PTPRD: variants seen among roughly 807,000 people sequenced by gnomAD.
The protein encoded by PTPRD is receptor-type tyrosine-protein phosphatase delta.
A neutral mutation model predicts 214.5 loss-of-function variants in PTPRD; 34 were observed. The ratio of observed to expected loss-of-function variants is 0.16; its 90% confidence interval spans 0.12 to 0.21. PTPRD has a LOEUF of 0.21. PTPRD is among the 10% of genes least tolerant of loss of function. PTPRD has a pLI of 1.00. For missense variants in PTPRD, 2,545 were observed against 2,398.7 expected (o/e 1.06, Z -1.27); for synonymous variants, 1,128 against 845.7 (o/e 1.33, Z -5.79).
intron 5 of PTPRD, among the ~76,000 whole-genome samples, chr9:9,834,677 A>T (rs2056188386): frequency 6.6e-6 from 1 of 152,052 alleles, no homozygotes; most frequent in African/African-American, 2.4e-5. Context: ...AATAAAAATT[A>T]ATTGCATATC....
At chr9:8,472,315 G>GAGGCC (rs1330575133) in intron 30 of PTPRD, among the ~76,000 whole-genome samples, 7 of 152,206 alleles carry the variant, frequency 4.6e-5, no homozygotes. Flanking sequence ...TTTAAAAGAG[G>GAGGCC]AGGCCACCAC....
At chr9:9,066,203 G>T (rs1459050705) in intron 10 of PTPRD, among the ~76,000 whole-genome samples, 4 of 152,050 alleles carry the variant, frequency 2.6e-5, no homozygotes, top group African/African-American at 9.7e-5. Flanking sequence ...ATTAGGATGG[G>T]TCCTTTTTTT....
intron 3 of PTPRD, among the ~76,000 whole-genome samples, chr9:10,123,685 C>T (rs2098794139): frequency 6.6e-6 from 1 of 152,056 alleles, no homozygotes; most frequent in African/African-American, 2.4e-5. Context: ...TTTTGGAAAA[C>T]AGAAATAAAG....
intron 10 of PTPRD, among the ~76,000 whole-genome samples, chr9:9,027,606 A>C (rs982636968): frequency 1.3e-5 from 2 of 151,914 alleles, no homozygotes; most frequent in Admixed American, 6.6e-5. Flanking sequence ...GTATCATAAA[A>C]ATCTTCAGGA....
intron 3 of PTPRD, among the ~76,000 whole-genome samples, chr9:10,057,203 A>G (rs908181467): frequency 3.3e-5 from 5 of 152,184 alleles, no homozygotes; most frequent in Non-Finnish European, 7.4e-5. Flanking sequence ...CAATATTTAT[A>G]AAGAATCTGC....
chr9:8,894,120 A>G (rs2098576370), intron 11 of PTPRD, among the ~76,000 whole-genome samples: 1 of 151,998 alleles, frequency 6.6e-6, no homozygotes, highest in Non-Finnish European at 1.5e-5. Context: ...TTTGGAGGCC[A>G]AGGCGGGTGG....
chr9:9,525,146 C>A lies in PTPRD; in HGVS notation c.-237+49586G>T, dbSNP rs113252856. Among the ~76,000 whole-genome samples, 302 of 152,272 alleles carry A rather than the reference C, an allele frequency of 2.0e-3. 1 individual carries two copies. The highest frequency in any genetic ancestry group is 6.5e-3 in the African/African-American group (270 of 41,570). On this transcript the variant is annotated intron_variant, in intron 8 of 45. Coordinates refer to ENST00000381196, the MANE Select transcript of PTPRD (RefSeq NM_002839.4). ...TGCTGGGATTACAGGCGTGAGCCAC[C>A]GCCCGGTCGGGTAACAGGAGTTTTT... is the stretch of plus-strand genomic sequence containing the variant.
At chr9:8,928,228 T>C (rs1191131055) in intron 11 of PTPRD, among the ~76,000 whole-genome samples, 1 of 152,216 alleles carries the variant, frequency 6.6e-6, no homozygotes, top group Non-Finnish European at 1.5e-5. Context: ...TTGTCAATTA[T>C]GGCTTTTGTT....
At chr9:10,342,236 C>T (rs1032985591) in intron 2 of PTPRD, among the ~76,000 whole-genome samples, 2 of 151,996 alleles carry the variant, frequency 1.3e-5, no homozygotes, top group African/African-American at 4.8e-5. Context: ...TGGCCTGTGT[C>T]ACTTATAGGT....
intron 5 of PTPRD, among the ~76,000 whole-genome samples, chr9:9,925,426 A>G (rs2083931528): frequency 6.6e-6 from 1 of 152,154 alleles, no homozygotes; most frequent in Admixed American, 6.5e-5. Context: ...GGTCTTACAT[A>G]CAGGACCTTG....
chr9:8,354,086 T>C (rs1233789362), intron 39 of PTPRD, among the ~76,000 whole-genome samples: 1 of 150,602 alleles, frequency 6.6e-6, no homozygotes, highest in Non-Finnish European at 1.5e-5. Context: ...AATATGTCTT[T>C]TATTTATTAC....
chr9:9,242,617 T>C (rs1040847915), intron 9 of PTPRD, among the ~76,000 whole-genome samples: 1 of 152,184 alleles, frequency 6.6e-6, no homozygotes, highest in African/African-American at 2.4e-5. Flanking sequence ...ATACCCTTTC[T>C]TCCAGTTGAT....
chr9:10,156,891 C>A (rs572945454), intron 3 of PTPRD, among the ~76,000 whole-genome samples: 1 of 152,262 alleles, frequency 6.6e-6, no homozygotes, highest in East Asian at 1.9e-4. Flanking sequence ...ACCTAACACC[C>A]TTCTTTGTCT....
At chr9:9,146,437 A>G (rs1216119968) in intron 10 of PTPRD, among the ~76,000 whole-genome samples, 1 of 151,996 alleles carries the variant, frequency 6.6e-6, no homozygotes, top group Admixed American at 6.6e-5. Flanking sequence ...GAGGCTCAGG[A>G]GTCTGCCTTT....
At chr9:10,374,471 T>C (rs1177089436) in intron 2 of PTPRD, among the ~76,000 whole-genome samples, 1 of 152,024 alleles carries the variant, frequency 6.6e-6, no homozygotes, top group Non-Finnish European at 1.5e-5. Flanking sequence ...TCCGTGCTTG[T>C]TCTTTTCCAC....
At chr9:8,529,008 G>C (rs994607606) in intron 14 of PTPRD, among the ~76,000 whole-genome samples, 1 of 152,088 alleles carries the variant, frequency 6.6e-6, no homozygotes, top group African/African-American at 2.4e-5. Context: ...GGCCGACTAT[G>C]ATGAGGGGAT....
intron 11 of PTPRD, among the ~76,000 whole-genome samples, chr9:8,816,445 C>T (rs1241258534): frequency 1.3e-5 from 2 of 152,186 alleles, no homozygotes; most frequent in African/African-American, 4.8e-5. Context: ...AAGTGATCTC[C>T]TCTCACCTCC....
intron 35 of PTPRD, among the ~76,000 whole-genome samples, chr9:8,421,492 A>G (rs887206701): frequency 1.3e-5 from 2 of 152,174 alleles, no homozygotes; most frequent in African/African-American, 4.8e-5. Context: ...AGCTTTCATA[A>G]TAGCAGAAGA....
chr9:10,353,618 A>T (rs894426224), intron 2 of PTPRD, among the ~76,000 whole-genome samples: 22 of 151,984 alleles, frequency 1.4e-4, no homozygotes, highest in African/African-American at 5.1e-4. Flanking sequence ...TCTCTTAAAG[A>T]CTGCAAATAA....
Sources: gnomAD v4.1 joint callset for allele counts (sites outside exome capture counted in the v4.1 genomes callset) on GRCh38, gnomAD v4.1.1 for gene constraint, MANE v1.5 for transcripts, NCBI Gene and HGNC (gene_info 2026-07-23, HGNC 2026-07-21) for gene names.